AGO2: variants seen among roughly 807,000 people sequenced by gnomAD.
AGO2 encodes protein argonaute-2.
AGO2 carries 5 observed loss-of-function variants against 102.3 expected under a neutral mutation model. The observed-to-expected ratio is 0.05, with a 90% CI of 0.03 to 0.10. AGO2 has a LOEUF of 0.10. AGO2 is among the 10% of genes least tolerant of loss of function. The pLI, the probability that AGO2 is intolerant of heterozygous loss-of-function variation, is 1.00. For missense variants in AGO2, 541 were observed against 1,183.7 expected, an observed-to-expected ratio of 0.46 and a Z score of 7.97; for synonymous variants, 449 against 473.1, an observed-to-expected ratio of 0.95 and a Z score of 0.66.
intron 16 of AGO2, among the ~76,000 whole-genome samples, chr8:140,537,655 C>G (rs2072721173): frequency 6.6e-6 from 1 of 152,018 alleles, no homozygotes; most frequent in Non-Finnish European, 1.5e-5. Context: ...ATAATAAGAG[C>G]TGTGTAAAAA....
chr8:140,573,766 G>C (rs1226204237), intron 2 of AGO2, among the ~76,000 whole-genome samples: 1 of 152,234 alleles, frequency 6.6e-6, no homozygotes, highest in Non-Finnish European at 1.5e-5. Context: ...CCTCTGCACA[G>C]CTACCCACTG....
intron 1 of AGO2, among the ~76,000 whole-genome samples, chr8:140,598,342 G>T (rs577396560): frequency 6.6e-6 from 1 of 152,232 alleles, no homozygotes; most frequent in Non-Finnish European, 1.5e-5. Context: ...AGACGTTTGC[G>T]TTCCGTTACT....
intron 1 of AGO2, among the ~76,000 whole-genome samples, chr8:140,628,860 G>A (rs866056619): frequency 2.0e-5 from 3 of 151,942 alleles, no homozygotes; most frequent in African/African-American, 4.8e-5. Context: ...CTGAGCCACC[G>A]TGGATCACCT....
At chr8:140,554,923 G>A (rs555800666) in intron 10 of AGO2, among the ~76,000 whole-genome samples, 4 of 152,162 alleles carry the variant, frequency 2.6e-5, no homozygotes, top group African/African-American at 7.2e-5. Context: ...CGATCCACCC[G>A]TCTCAGCCTC....
chr8:140,606,683 T>C (rs2074002323), intron 1 of AGO2, among the ~76,000 whole-genome samples: 3 of 152,222 alleles, frequency 2.0e-5, no homozygotes, highest in African/African-American at 7.2e-5. Flanking sequence ...ATGCCTGTAA[T>C]CCCAACACTT....
rs550525477 is a variant in AGO2, at chr8:140,521,150, G to A, written c.*10894C>T. ...TAATCACCTGCCCCAAAGTCCTCTC[G>A]TTAGGTTAAAAACACAATGCGTCCT... On this transcript the variant is annotated 3_prime_UTR_variant, in exon 19 of 19. Transcript: ENST00000220592. The A allele has an allele frequency of 3.9e-5, 6 of 152,236 alleles. No individual in the cohort carries two copies. The South Asian group carries it at 8.3e-4, about 21-fold the overall frequency. The allele number at this position is 152,236 out of a possible 1,614,324, so 9.4% of individuals were successfully genotyped here.
At chr8:140,558,935 C>A (rs2073148728) in intron 6 of AGO2, among the ~76,000 whole-genome samples, 1 of 152,110 alleles carries the variant, frequency 6.6e-6, no homozygotes, top group South Asian at 2.1e-4. Context: ...AGGGGTGGGC[C>A]CCCCATTCTG....
chr8:140,543,212 A>C (rs1037544871), intron 14 of AGO2, among the ~76,000 whole-genome samples: 1 of 151,868 alleles, frequency 6.6e-6, no homozygotes, highest in Non-Finnish European at 1.5e-5. Context: ...AACAACAAAA[A>C]AACGACTCAG....
intron 12 of AGO2, among the ~76,000 whole-genome samples, 174 bp from the exon 13 acceptor site, chr8:140,547,801 G>A (rs2072927421): frequency 6.6e-6 from 1 of 152,248 alleles, no homozygotes; most frequent in Non-Finnish European, 1.5e-5. Context: ...GAGGGTCCCT[G>A]GTCCCGAGGG....
chr8:140,557,560 G>C lies in AGO2; in HGVS notation c.879-324C>G, dbSNP rs1347438815. Among the ~76,000 whole-genome samples, 2 of 152,224 alleles carry C rather than the reference G, an allele frequency of 1.3e-5. No homozygotes were observed. Among genetic ancestry groups the C allele is most frequent in the Admixed American group, 1.3e-4 (2 of 15,290 alleles). ...GCCTGCGCGTCTTCCAGCAGACCGT[G>C]GTGACCCTGGAAGCCTTTTACGTGC... On this transcript the variant is annotated intron_variant, in intron 7 of 18. Coordinates refer to ENST00000220592, the MANE Select transcript of AGO2 (RefSeq NM_012154.5). The surrounding 1 kb of genome is among the most constrained non-coding windows in gnomAD (Gnocchi z 5.9).
At chr8:140,559,317 C>T (rs1319901213) in intron 6 of AGO2, 78 bp downstream of exon 6, 25 of 1,563,984 alleles carry the variant, frequency 1.6e-5, no homozygotes, top group Middle Eastern at 1.9e-4. Context: ...AGAACCAGAA[C>T]TGCAAAATGC....
intron 1 of AGO2, among the ~76,000 whole-genome samples, chr8:140,620,473 G>A (rs1252976140): frequency 6.6e-6 from 1 of 152,246 alleles, no homozygotes; most frequent in African/African-American, 2.4e-5. Flanking sequence ...CGGAGCAGGA[G>A]AGGAGGACAG....
chr8:140,552,686 ACACACG>A (rs1453482796), intron 10 of AGO2, among the ~76,000 whole-genome samples: 1 of 152,004 alleles, frequency 6.6e-6, no homozygotes, highest in Admixed American at 6.6e-5. Context: ...ACACACACAC[ACACACG>A]CATGCACTCA....
chr8:140,561,976 C>T (rs191722113), intron 4 of AGO2, among the ~76,000 whole-genome samples: 1 of 152,336 alleles, frequency 6.6e-6, no homozygotes, highest in East Asian at 1.9e-4. Context: ...AACTGCTCCC[C>T]TACACCCTCT....
Position 140,547,768 on chromosome 8 carries a change from T to C in AGO2, c.1589-141A>G, listed in dbSNP as rs1235124002. The C allele has an allele frequency of 5.6e-5, 69 of 1,237,390 alleles. 1 individual carries two copies. The highest frequency in any genetic ancestry group is 5.3e-4 in the Middle Eastern group (2 of 3,800). 76.7% of individuals were successfully genotyped at this position (1,237,390 alleles called of 1,614,324 possible). On this transcript the variant is annotated intron_variant, in intron 12 of 18. Transcript: ENST00000220592. ...CTGTGCTGAGCTTTGCGTGTCCCCC[T>C]CTGTCCGAGGTCGGTGATAGAAGAG...
At chr8:140,627,593 G>A (rs1202482687) in intron 1 of AGO2, among the ~76,000 whole-genome samples, 1 of 152,104 alleles carries the variant, frequency 6.6e-6, no homozygotes, top group Non-Finnish European at 1.5e-5. Flanking sequence ...TCGGGTTAGG[G>A]GCCGCCTGGG....
intron 5 of AGO2, among the ~76,000 whole-genome samples, chr8:140,560,150 A>G (rs978234794): frequency 9.9e-5 from 15 of 152,204 alleles, no homozygotes; most frequent in African/African-American, 3.4e-4. Context: ...CCCTGACCAC[A>G]GCCTCTGAGG....
At chr8:140,635,036 G>C (rs917098125) in intron 1 of AGO2, among the ~76,000 whole-genome samples, 2 of 150,200 alleles carry the variant, frequency 1.3e-5, no homozygotes, top group Non-Finnish European at 3.0e-5. Context: ...AGGCGCTCAG[G>C]GTCAGGCCGG....
intron 16 of AGO2, among the ~76,000 whole-genome samples, chr8:140,536,416 T>G (rs1218840009): frequency 6.6e-6 from 1 of 150,714 alleles, no homozygotes; most frequent in Non-Finnish European, 1.5e-5. Flanking sequence ...AACCTCTGCC[T>G]CCCAGGTTCA....
Sources: allele counts gnomAD v4.1 joint callset (sites outside exome capture counted in the v4.1 genomes callset), GRCh38; gene constraint gnomAD v4.1.1; non-coding constraint Gnocchi (gnomAD v3.1); transcripts MANE v1.5; gene names NCBI Gene and HGNC (gene_info 2026-07-23, HGNC 2026-07-21).